ERI3: variants seen among roughly 807,000 people sequenced by gnomAD.
The protein encoded by ERI3 is ERI1 exoribonuclease 3.
A neutral mutation model predicts 44.4 loss-of-function variants in ERI3; 18 were observed. The ratio of observed to expected loss-of-function variants is 0.41; its 90% CI spans 0.28 to 0.60. The LOEUF is 0.60. ERI3 is among the 20% of genes least tolerant of loss of function. The pLI is 0.36. For synonymous variants in ERI3, 183 were observed against 164.8 expected (o/e 1.11, Z -0.84); for missense variants, 294 against 435.5 (o/e 0.68, Z 2.89).
At chr1:44,248,901 C>T (rs1159704734) in intron 7 of ERI3, among the ~76,000 whole-genome samples, 1 of 152,258 alleles carries the variant, frequency 6.6e-6, no homozygotes, top group East Asian at 1.9e-4. Flanking sequence ...CCTTCCCTCA[C>T]CACCTGGCTG....
chr1:44,278,142 C>G (rs1645215693), intron 7 of ERI3, among the ~76,000 whole-genome samples: 1 of 152,282 alleles, frequency 6.6e-6, no homozygotes, highest in East Asian at 1.9e-4. Flanking sequence ...GTGTAACTTA[C>G]ACTTACTGTA....
At chr1:44,263,453 T>A (rs1045133863) in intron 7 of ERI3, among the ~76,000 whole-genome samples, 1 of 152,244 alleles carries the variant, frequency 6.6e-6, no homozygotes, top group Non-Finnish European at 1.5e-5. Flanking sequence ...AAACTTGGAA[T>A]GGATCTCTGG....
chr1:44,288,004 G>C (rs2154323700), intron 6 of ERI3, among the ~76,000 whole-genome samples: 2 of 152,308 alleles, frequency 1.3e-5, no homozygotes, highest in South Asian at 4.1e-4. Context: ...AGCCCTGGGA[G>C]AGGGATGGGC....
intron 8 of ERI3, chr1:44,242,134 C>T (rs1452286142): frequency 1.0e-6 from 1 of 985,638 alleles, no homozygotes; most frequent in African/African-American, 1.7e-5. Flanking sequence ...TCCCTAGCTT[C>T]TCACTTTCTT....
rs558764049 is a variant in ERI3 at position 44,324,290 on chromosome 1, G to C, written c.490-4546C>G. On this transcript the variant is annotated intron_variant, in intron 3 of 8. Transcript: ENST00000372257. Reference sequence around the variant, plus strand: ...GAAATGATCTGCCTAAGATGTCAAAGATGGTCAGTGGTACAGCCAGGATTC... The same window carrying C: ...GAAATGATCTGCCTAAGATGTCAAACATGGTCAGTGGTACAGCCAGGATTC... 5.9e-5 allele frequency among the ~76,000 whole-genome samples: 9 copies of C among 152,246 alleles called. No individual in the cohort carries two copies. The East Asian group carries it at 1.5e-3, about 26-fold the overall frequency.
At position 44,339,090 on chromosome 1, in the gene ERI3, C is replaced by T. The variant is rs143015146; in HGVS notation, c.444G>A (p.Val148=). The T allele has an allele frequency of 3.4e-4, 552 of 1,613,812 alleles. No homozygotes were observed. The highest frequency in any genetic ancestry group is 4.3e-4 in the Non-Finnish European group (512 of 1,179,986). Residue 148 remains valine (V), a synonymous_variant, in exon 3 of 9, where the codon GTG becomes GTA. Transcript: ENST00000372257. The part of the protein sequence containing the change: ...FPPQRYHYFL[V]LDFEATCDKP... ...TGTCGCACGTGGCCTCAAAGTCCAG[C>T]ACTAAAAAGTAGTGATACCTCTGGG...
chr1:44,260,598 C>T (rs12127242), intron 7 of ERI3, among the ~76,000 whole-genome samples: 1 of 152,110 alleles, frequency 6.6e-6, no homozygotes, highest in African/African-American at 2.4e-5. Context: ...AACAACAGGG[C>T]TTGGATAAAA....
chr1:44,284,547 G>A (rs1193304496), intron 7 of ERI3, among the ~76,000 whole-genome samples: 1 of 152,174 alleles, frequency 6.6e-6, no homozygotes, highest in African/African-American at 2.4e-5. Flanking sequence ...TCAGCTCTGA[G>A]CAAGAGCCCC....
At chr1:44,300,278 C>T (rs1439035169) in intron 6 of ERI3, among the ~76,000 whole-genome samples, 2 of 152,160 alleles carry the variant, frequency 1.3e-5, no homozygotes, top group Non-Finnish European at 2.9e-5. Context: ...AATTTCCATT[C>T]CAGGGGTTCC....
At chr1:44,224,600 T>C (rs925937916) in intron 8 of ERI3, among the ~76,000 whole-genome samples, 1 of 152,196 alleles carries the variant, frequency 6.6e-6, no homozygotes, top group Non-Finnish European at 1.5e-5. Flanking sequence ...ATGCTGTTCT[T>C]TATGCTTGGA....
chr1:44,222,853 T>TG (rs911633540), intron 8 of ERI3, among the ~76,000 whole-genome samples: 28 of 151,978 alleles, frequency 1.8e-4, no homozygotes, highest in South Asian at 6.2e-4. Flanking sequence ...TAATCAAGTG[T>TG]GGGGGGGTAT....
At chr1:44,300,838 G>A (rs1334448703) in intron 6 of ERI3, among the ~76,000 whole-genome samples, 5 of 152,180 alleles carry the variant, frequency 3.3e-5, no homozygotes, top group African/African-American at 1.2e-4. Flanking sequence ...TCAGCCCAAG[G>A]AGCTGTCAGG....
chr1:44,227,845 T>C (rs1393069527), intron 8 of ERI3, among the ~76,000 whole-genome samples: 1 of 152,166 alleles, frequency 6.6e-6, no homozygotes, highest in Non-Finnish European at 1.5e-5. Context: ...ATTTAACTTA[T>C]CTTTGTTTTG....
chr1:44,276,008 A>C (rs1645173903), intron 7 of ERI3, among the ~76,000 whole-genome samples: 1 of 152,190 alleles, frequency 6.6e-6, no homozygotes, highest in Non-Finnish European at 1.5e-5. Context: ...CAAGGCAGAA[A>C]GTGAAGGGGA....
At chr1:44,253,535 T>C (rs1484298198) in intron 7 of ERI3, among the ~76,000 whole-genome samples, 3 of 152,184 alleles carry the variant, frequency 2.0e-5, no homozygotes, top group South Asian at 2.1e-4. Context: ...CTGTGATGGG[T>C]TGCAACACTA....
At chr1:44,348,133 C>G (rs566403116) in intron 2 of ERI3, among the ~76,000 whole-genome samples, 5 of 152,296 alleles carry the variant, frequency 3.3e-5, no homozygotes, top group African/African-American at 1.2e-4. Context: ...AGAGCAGGGC[C>G]TAAGCAGCAA....
intron 8 of ERI3, among the ~76,000 whole-genome samples, chr1:44,232,064 C>T (rs1458000164): frequency 3.9e-5 from 6 of 152,126 alleles, no homozygotes; most frequent in East Asian, 3.8e-4. Context: ...CTGAATTAAC[C>T]GACCTTAGGA....
intron 6 of ERI3, among the ~76,000 whole-genome samples, chr1:44,289,741 C>T (rs1645465774): frequency 6.6e-6 from 1 of 152,252 alleles, no homozygotes; most frequent in African/African-American, 2.4e-5. Context: ...CCAGCCAAGG[C>T]AGGGGATAGC....
intron 8 of ERI3, among the ~76,000 whole-genome samples, chr1:44,225,221 A>C (rs1644007334): frequency 6.6e-6 from 1 of 152,128 alleles, no homozygotes; most frequent in South Asian, 2.1e-4. Flanking sequence ...ACAGCCTTGC[A>C]CCCACAATAG....
Sources: allele counts gnomAD v4.1 joint callset (sites outside exome capture counted in the v4.1 genomes callset), GRCh38; gene constraint gnomAD v4.1.1; transcripts MANE v1.5; gene names NCBI Gene and HGNC (gene_info 2026-07-23, HGNC 2026-07-21).